Variants in CREB5 observed in about 807,000 individuals in gnomAD.
The protein encoded by CREB5 is cyclic AMP-responsive element-binding protein 5.
Under a neutral mutation model 57.1 loss-of-function variants are expected in CREB5, and 19 were observed. The ratio of observed to expected loss-of-function variants is 0.33; its 90% CI spans 0.23 to 0.49. The LOEUF is 0.49. CREB5 is among the 20% of genes least tolerant of loss of function. The pLI is 0.99. For synonymous variants in CREB5, 238 were observed against 238.3 expected, an observed-to-expected ratio of 1.00 and a Z score of 0.01; for missense variants, 579 against 671.6, an observed-to-expected ratio of 0.86 and a Z score of 1.52.
chr7:28,425,708 T>G (rs747309174), intron 1 of CREB5, among the ~76,000 whole-genome samples: 4 of 152,236 alleles, frequency 2.6e-5, no homozygotes, highest in Non-Finnish European at 5.9e-5. Flanking sequence ...ACAGCTTCTC[T>G]GCATATTTGG....
At chr7:28,656,446 A>G (rs966686724) in intron 5 of CREB5, among the ~76,000 whole-genome samples, 5 of 152,222 alleles carry the variant, frequency 3.3e-5, no homozygotes, top group South Asian at 2.1e-4. Flanking sequence ...CAAAAAAGAA[A>G]TCACTCTCAT....
At chr7:28,602,424 G>T (rs1303531904) in intron 5 of CREB5, among the ~76,000 whole-genome samples, 1 of 152,194 alleles carries the variant, frequency 6.6e-6, no homozygotes, top group Non-Finnish European at 1.5e-5. Flanking sequence ...TTAAAATAAA[G>T]GTGTTTGCAA....
intron 1 of CREB5, among the ~76,000 whole-genome samples, chr7:28,310,503 G>C (rs1249311807): frequency 6.6e-6 from 1 of 152,188 alleles, no homozygotes; most frequent in African/African-American, 2.4e-5. Context: ...GAGATGGGTG[G>C]AGTGGACTGG....
chr7:28,587,913 C>T (rs1203038467), intron 5 of CREB5, among the ~76,000 whole-genome samples: 1 of 152,174 alleles, frequency 6.6e-6, no homozygotes, highest in Non-Finnish European at 1.5e-5. Context: ...CATTTCCTGA[C>T]TGCTTTTCTA....
intron 4 of CREB5, among the ~76,000 whole-genome samples, chr7:28,542,909 C>T (rs979391641): frequency 1.3e-5 from 2 of 152,148 alleles, no homozygotes; most frequent in African/African-American, 2.4e-5. Context: ...GTTCCCGTTC[C>T]ACAGTGGTCT....
chr7:28,348,653 A>G (rs1305685521), intron 1 of CREB5, among the ~76,000 whole-genome samples: 3 of 152,174 alleles, frequency 2.0e-5, no homozygotes, highest in Non-Finnish European at 4.4e-5. Context: ...TGCCAACAGC[A>G]TCCGTCTTTC....
chr7:28,300,677 G>GTGTGATTTAA (rs1785085432), intron 1 of CREB5, among the ~76,000 whole-genome samples: 1 of 152,196 alleles, frequency 6.6e-6, no homozygotes, highest in Non-Finnish European at 1.5e-5. Flanking sequence ...GCATTAGTGT[G>GTGTGATTTAA]TGTGATTTAA....
intron 4 of CREB5, among the ~76,000 whole-genome samples, chr7:28,560,472 A>T (rs887693245): frequency 6.6e-6 from 1 of 152,106 alleles, no homozygotes; most frequent in Non-Finnish European, 1.5e-5. Flanking sequence ...GTGCTGAATT[A>T]CATCAATTAA....
intron 6 of CREB5, among the ~76,000 whole-genome samples, chr7:28,719,568 C>G (rs1193000521): frequency 6.6e-6 from 1 of 152,192 alleles, no homozygotes; most frequent in Non-Finnish European, 1.5e-5. Context: ...CACACACTCT[C>G]TCCTTTCCCT....
At chr7:28,759,219 C>G (rs1431554189) in intron 7 of CREB5, among the ~76,000 whole-genome samples, 1 of 152,108 alleles carries the variant, frequency 6.6e-6, no homozygotes, top group Non-Finnish European at 1.5e-5. Context: ...ATATATGCCA[C>G]AGAGATTGTA....
intron 5 of CREB5, among the ~76,000 whole-genome samples, chr7:28,704,110 G>C (rs1801992288): frequency 6.6e-6 from 1 of 152,204 alleles, no homozygotes; most frequent in African/African-American, 2.4e-5. Context: ...ACACTGAAAA[G>C]ACAGAACTGC....
At chr7:28,472,165 A>AAC (rs35803864) in intron 1 of CREB5, among the ~76,000 whole-genome samples, 63,249 of 147,858 alleles carry the variant, frequency 0.43, 14,209 homozygotes, top group East Asian at 0.66. Flanking sequence ...AAAAAAAAAA[A>AAC]ACATAGTAAT....
intron 1 of CREB5, among the ~76,000 whole-genome samples, chr7:28,346,901 T>C (rs1786068067): frequency 6.6e-6 from 1 of 152,132 alleles, no homozygotes; most frequent in South Asian, 2.1e-4. Flanking sequence ...ATTAGAACTT[T>C]GATCAGTATA....
At chr7:28,750,875 A>G (rs765812758) in intron 7 of CREB5, among the ~76,000 whole-genome samples, 3 of 152,174 alleles carry the variant, frequency 2.0e-5, no homozygotes, top group African/African-American at 7.2e-5. Flanking sequence ...TTATCAGGTA[A>G]TGTAATTTCA....
intron 1 of CREB5, among the ~76,000 whole-genome samples, chr7:28,437,744 A>G (rs1327709935): frequency 1.3e-5 from 2 of 152,196 alleles, no homozygotes; most frequent in African/African-American, 4.8e-5. Flanking sequence ...CATTGTTACC[A>G]ACTCTATTTA....
chr7:28,553,526 A>G (rs932820274), intron 4 of CREB5, among the ~76,000 whole-genome samples: 1 of 152,190 alleles, frequency 6.6e-6, no homozygotes, highest in Non-Finnish European at 1.5e-5. Flanking sequence ...GTAAAAATAT[A>G]TAGTTTATGA....
In CREB5 at chr7:28,570,500, G is replaced by C. The variant is rs1795656499; in HGVS notation, c.427G>C (p.Val143Leu). Residue 143 changes from valine (V) to leucine (L), a missense_variant, in exon 5 of 11, where the codon GTC becomes CTC. This residue lies in a region of CREB5 where 459 missense variants were observed against 515.7 expected (regional missense o/e 0.89). Coordinates refer to ENST00000357727, the MANE Select transcript of CREB5 (RefSeq NM_182898.4). ...CATGCCGTCGCCTCAGTCCAGCTCT[G>C]TCATCACTCAGGCACCTTCCACCAA... ...QAMPSPQSSS[V>L]ITQAPSTNRQ... is the part of the protein sequence containing the mutation. 2.5e-6 allele frequency: 4 copies of C among 1,614,014 alleles called. No homozygotes were observed. The South Asian group carries it at 4.4e-5, about 18-fold the overall frequency.
intron 7 of CREB5, among the ~76,000 whole-genome samples, chr7:28,766,812 A>C (rs555880723): frequency 3.9e-5 from 6 of 152,306 alleles, no homozygotes; most frequent in Non-Finnish European, 2.9e-5. Flanking sequence ...TGATCCCATC[A>C]CCCACTAGTA....
intron 1 of CREB5, among the ~76,000 whole-genome samples, chr7:28,462,801 T>C (rs1790402555): frequency 6.6e-6 from 1 of 152,320 alleles, no homozygotes; most frequent in South Asian, 2.1e-4. Context: ...TATTTTTTAG[T>C]ACATATTCTG....
Sources: gnomAD v4.1 joint callset for allele counts (sites outside exome capture counted in the v4.1 genomes callset) on GRCh38, gnomAD v4.1.1 for gene constraint, gnomAD v4.1.1 regional missense constraint, MANE v1.5 for transcripts, NCBI Gene and HGNC (gene_info 2026-07-23, HGNC 2026-07-21) for gene names.